The following PCSK5 variants were observed in gnomAD, a reference collection of about 807,000 sequenced individuals.
PCSK5 encodes the protein prohormone convertase 5.
Under a neutral mutation model 233.2 loss-of-function variants are expected in PCSK5, and 129 were observed. The observed-to-expected ratio is 0.55, with a 90% confidence interval of 0.48 to 0.64. The LOEUF (loss-of-function observed/expected upper bound fraction) is 0.64, where lower values mean the gene tolerates loss of function less well. Ranked by LOEUF, PCSK5 falls within the 30% of genes least tolerant of loss-of-function variation. The probability of loss-of-function intolerance (pLI) is 0.00; values close to 1 mark genes in which losing one functional copy is unlikely to be tolerated. For synonymous variants in PCSK5, 825 were observed against 879.2 expected, an observed-to-expected ratio of 0.94 and a Z score of 1.09; for missense variants, 2,076 against 2,430.1, an observed-to-expected ratio of 0.85 and a Z score of 3.06.
chr9:76,276,836 A>G (rs1302342281), intron 24 of PCSK5, among the ~76,000 whole-genome samples: 1 of 152,208 alleles, frequency 6.6e-6, no homozygotes, highest in East Asian at 1.9e-4. Flanking sequence ...CTGGAGATAC[A>G]GGAAAACAAA....
At chr9:76,134,364 T>A in intron 10 of PCSK5, 152 bp downstream of exon 10, 1 of 561,456 alleles carries the variant, frequency 1.8e-6, no homozygotes, top group Non-Finnish European at 3.1e-6. Context: ...AAAAGGCAGG[T>A]TGATTTTTTT....
chr9:75,974,782 T>G (rs1825946303), intron 2 of PCSK5, among the ~76,000 whole-genome samples: 1 of 152,236 alleles, frequency 6.6e-6, no homozygotes, highest in Non-Finnish European at 1.5e-5. Context: ...ACCAACAACT[T>G]CATGCTACTT....
chr9:75,911,915 A>G (rs938085298), intron 1 of PCSK5, among the ~76,000 whole-genome samples: 3 of 152,192 alleles, frequency 2.0e-5, no homozygotes, highest in Admixed American at 6.5e-5. Context: ...GACCAAGCCT[A>G]GCTTCAAGAG....
chr9:76,208,014 G>A lies in PCSK5; in HGVS notation c.2626+18268G>A, dbSNP rs75505398. ...AGAAGGCATGACATGGCAAGAAAGC[G>A]TACATGTGTCAGAGAGAAATGGGAG... On this transcript the variant is annotated intron_variant, in intron 20 of 37. Coordinates refer to ENST00000674117, the MANE Select transcript of PCSK5 (RefSeq NM_001372043.1). Among the ~76,000 whole-genome samples the A allele has an allele frequency of 6.3e-3, 966 of 152,226 alleles. 10 individuals carry two copies. The highest frequency in any genetic ancestry group is 0.022 in the African/African-American group (919 of 41,532).
At chr9:76,033,922 A>C (rs1285274509) in intron 5 of PCSK5, among the ~76,000 whole-genome samples, 2 of 152,200 alleles carry the variant, frequency 1.3e-5, no homozygotes, top group African/African-American at 4.8e-5. Context: ...TTAGAGTTTG[A>C]CACATGAATT....
chr9:76,182,510 A>C (rs1394700155), intron 16 of PCSK5, among the ~76,000 whole-genome samples: 1 of 122,428 alleles, frequency 8.2e-6, no homozygotes, highest in Non-Finnish European at 1.7e-5. Context: ...TGGCAATACA[A>C]GTAGAATTTG....
chr9:76,297,803 G>C lies in PCSK5; in HGVS notation c.3523+938G>C, dbSNP rs571673213. 3.9e-5 allele frequency among the ~76,000 whole-genome samples: 6 copies of C among 152,118 alleles called. 1 individual carries two copies. The highest frequency in any genetic ancestry group is 3.9e-4 in the Admixed American group (6 of 15,266). On this transcript the variant is annotated intron_variant, in intron 27 of 37. Transcript: ENST00000674117. ...TACAGGAGGAGTGTGCTAAGGGCTC[G>C]AGGGAGTGACAGCTCTGTGGTTTTT... is the stretch of plus-strand genomic sequence containing the variant.
At position 76,046,155 on chromosome 9, in the gene PCSK5, CTTTTGTTTTTT is replaced by C. The variant is rs1829364815; in HGVS notation, c.632+19123_632+19133del. Among the ~76,000 whole-genome samples, 28 of 55,688 alleles carry C rather than the reference CTTTTGTTTTTT, an allele frequency of 5.0e-4. 1 individual carries two copies. The highest frequency in any genetic ancestry group is 1.4e-3 in the African/African-American group (27 of 19,194). 36.5% of individuals were successfully genotyped at this position (55,688 alleles called of 152,430 possible). ...TAGTAGCATTAACACATAATTTTTT[CTTTTGTTTTTT>C]TTTTTTTTTTTTTTTTTTTTTTTTT... On this transcript the variant is annotated intron_variant, in intron 5 of 37. Transcript: ENST00000674117.
intron 10 of PCSK5, 89 bp from the exon 11 acceptor site, chr9:76,156,956 A>T: frequency 1.2e-6 from 1 of 814,882 alleles, no homozygotes; most frequent in South Asian, 1.4e-5. Context: ...CTAGGATCCC[A>T]TAGGGTGGTG....
At chr9:75,910,500 G>A (rs78466063) in intron 1 of PCSK5, among the ~76,000 whole-genome samples, 2,754 of 152,134 alleles carry the variant, frequency 0.018, 38 homozygotes, top group South Asian at 0.035. Context: ...TGACCTTGCC[G>A]GTTCTTTGCA....
chr9:76,284,587 C>T (rs1827999452), intron 24 of PCSK5, among the ~76,000 whole-genome samples: 1 of 138,628 alleles, frequency 7.2e-6, no homozygotes, highest in African/African-American at 2.7e-5. Context: ...GGCTGGAGTG[C>T]AATGGCGCGA....
chr9:75,952,126 T>C (rs1046819752), intron 2 of PCSK5, among the ~76,000 whole-genome samples: 4 of 152,320 alleles, frequency 2.6e-5, no homozygotes, highest in Admixed American at 2.6e-4. Context: ...TCCAGCTAAT[T>C]TTTTGATGCA....
At chr9:76,222,987 C>A (rs969633239) in intron 20 of PCSK5, among the ~76,000 whole-genome samples, 5 of 152,138 alleles carry the variant, frequency 3.3e-5, no homozygotes, top group Non-Finnish European at 7.4e-5. Context: ...ATCACTCATA[C>A]TCTATGATTT....
intron 9 of PCSK5, among the ~76,000 whole-genome samples, chr9:76,120,534 AT>A (rs1832592428): frequency 6.6e-6 from 1 of 151,948 alleles, no homozygotes; most frequent in African/African-American, 2.4e-5. Flanking sequence ...TTTCAGACTT[AT>A]TTTTTGGAGT....
intron 2 of PCSK5, among the ~76,000 whole-genome samples, chr9:75,980,601 G>A (rs1001154908): frequency 3.2e-4 from 49 of 152,124 alleles, no homozygotes; most frequent in African/African-American, 4.8e-4. Flanking sequence ...GAATTTAAAC[G>A]ATCTTAATAA....
At chr9:76,275,107 T>A (rs185593233) in intron 24 of PCSK5, among the ~76,000 whole-genome samples, 385 of 152,122 alleles carry the variant, frequency 2.5e-3, no homozygotes, top group Middle Eastern at 6.8e-3. Flanking sequence ...AAAAAAAAAA[T>A]TTATCCTTTT....
intron 34 of PCSK5, among the ~76,000 whole-genome samples, chr9:76,333,595 C>T (rs1002933787): frequency 1.3e-4 from 20 of 152,120 alleles, no homozygotes; most frequent in African/African-American, 4.8e-4. Flanking sequence ...GTCTGATTGC[C>T]AGCATATCCT....
chr9:75,935,771 G>T (rs1454509612), intron 2 of PCSK5, among the ~76,000 whole-genome samples: 1 of 152,044 alleles, frequency 6.6e-6, no homozygotes, highest in African/African-American at 2.4e-5. Flanking sequence ...CTCATGATTA[G>T]ATTCAGGTTT....
intron 1 of PCSK5, among the ~76,000 whole-genome samples, chr9:75,908,988 T>C (rs923046117): frequency 1.4e-5 from 2 of 139,804 alleles, no homozygotes; most frequent in South Asian, 2.3e-4. Flanking sequence ...TCTATCTATC[T>C]ATCCGATTTT....
Sources: gnomAD v4.1 joint callset for allele counts (sites outside exome capture counted in the v4.1 genomes callset) on GRCh38, gnomAD v4.1.1 for gene constraint, MANE v1.5 for transcripts, NCBI Gene and HGNC (gene_info 2026-07-23, HGNC 2026-07-21) for gene names.